DENND5A: variants seen among roughly 807,000 people sequenced by gnomAD.
DENND5A encodes DENN domain-containing protein 5A.
In DENND5A, 64 loss-of-function variants were observed where a neutral mutation model predicts 140.3. That is an observed-to-expected ratio of 0.46 (90% confidence interval 0.37 to 0.56). The LOEUF is 0.56. Ranked by LOEUF, DENND5A falls within the 20% of genes least tolerant of loss-of-function variation. DENND5A has a pLI of 0.00. For synonymous variants in DENND5A, 605 were observed against 607.7 expected (o/e 1.00, Z 0.07); for missense variants, 1,292 against 1,593.8 (o/e 0.81, Z 3.22).
chr11:9,170,827 C>A (rs759544381), intron 8 of DENND5A, 50 bp from the exon 9 acceptor site: 1 of 1,594,632 alleles, frequency 6.3e-7, no homozygotes, highest in Non-Finnish European at 8.6e-7. Flanking sequence ...CATAAATACA[C>A]ACACAAATAA....
chr11:9,211,590 G>A (rs1849879622), intron 1 of DENND5A, among the ~76,000 whole-genome samples: 1 of 151,946 alleles, frequency 6.6e-6, no homozygotes, highest in Non-Finnish European at 1.5e-5. Flanking sequence ...CTCAAATACT[G>A]GAATTAGCAA....
intron 1 of DENND5A, among the ~76,000 whole-genome samples, chr11:9,258,586 T>C (rs1215101349): frequency 6.8e-6 from 1 of 146,824 alleles, no homozygotes; most frequent in Non-Finnish European, 1.5e-5. Context: ...TTTCTTACCA[T>C]GAAACAGAAA....
chr11:9,183,071 T>A (rs1848787545), intron 5 of DENND5A, among the ~76,000 whole-genome samples: 1 of 152,240 alleles, frequency 6.6e-6, no homozygotes, highest in African/African-American at 2.4e-5. Flanking sequence ...AATGTGTGTG[T>A]ACATATATAT....
intron 1 of DENND5A, among the ~76,000 whole-genome samples, chr11:9,243,087 CAAAAAAAAAAAA>C (rs539119487): frequency 1.5e-5 from 1 of 66,882 alleles, no homozygotes; most frequent in African/African-American, 6.2e-5. Flanking sequence ...GACTCTGTCT[CAAAAAAAAAAAA>C]AAAAACAAAA....
chr11:9,197,774 A>G (rs1849382993), intron 4 of DENND5A, among the ~76,000 whole-genome samples: 1 of 152,356 alleles, frequency 6.6e-6, no homozygotes, highest in Admixed American at 6.5e-5. Flanking sequence ...TTTAAAAACT[A>G]TTATTTTCAT....
rs537859129 is a variant in DENND5A at position 9,218,634 on chromosome 11, C to T, written c.110-11002G>A. On this transcript the variant is annotated intron_variant, in intron 1 of 22. Coordinates refer to ENST00000328194, the MANE Select transcript of DENND5A (RefSeq NM_015213.4). ...CTGAGGTGGGAAGATCGCTAGAGCC[C>T]GGGAGATGAAGGTTAGAGTGAGCTG... is the stretch of plus-strand genomic sequence containing the variant. Among the ~76,000 whole-genome samples, 20 of 152,142 alleles carry T rather than the reference C, an allele frequency of 1.3e-4. No individual in the cohort carries two copies. The East Asian group carries it at 3.3e-3, about 25-fold the overall frequency.
At chr11:9,187,078 C>T (rs1439432412) in intron 5 of DENND5A, among the ~76,000 whole-genome samples, 5 of 151,986 alleles carry the variant, frequency 3.3e-5, no homozygotes, top group Non-Finnish European at 7.4e-5. Flanking sequence ...AGCAAGACTC[C>T]ATCTCAAACA....
At chr11:9,254,792 G>A (rs1176136373) in intron 1 of DENND5A, among the ~76,000 whole-genome samples, 2 of 152,196 alleles carry the variant, frequency 1.3e-5, no homozygotes, top group Non-Finnish European at 1.5e-5. Context: ...GTCTCAGTCG[G>A]CAAGGTGTGG....
At chr11:9,197,977 T>C (rs576071230) in intron 4 of DENND5A, among the ~76,000 whole-genome samples, 25 of 152,348 alleles carry the variant, frequency 1.6e-4, no homozygotes, top group African/African-American at 4.8e-4. Context: ...ACTTTACCGA[T>C]TGATTTTCCC....
intron 11 of DENND5A, among the ~76,000 whole-genome samples, chr11:9,161,180 T>C (rs959086492): frequency 1.3e-5 from 2 of 152,192 alleles, no homozygotes; most frequent in African/African-American, 4.8e-5. Flanking sequence ...ACCCCGTCTC[T>C]ATTAAAAATA....
chr11:9,247,206 G>A (rs1851513457), intron 1 of DENND5A, among the ~76,000 whole-genome samples: 1 of 151,346 alleles, frequency 6.6e-6, no homozygotes, highest in Admixed American at 6.6e-5. Flanking sequence ...CTCCAGCCTG[G>A]GCGACAGAGC....
chr11:9,190,244 TG>T (rs1437811805), intron 5 of DENND5A, among the ~76,000 whole-genome samples: 1 of 152,098 alleles, frequency 6.6e-6, no homozygotes, highest in Non-Finnish European at 1.5e-5. Flanking sequence ...AATAAGATTT[TG>T]GGGGACTGTT....
rs140834453 is a variant in DENND5A, at chr11:9,166,695, G to A, written c.2152-728C>T. ...AAAAATATAAAAATTAGCCAAGTGT[G>A]GTGGTGCATGCCTGTAATCCCAGCT... On this transcript the variant is annotated intron_variant, in intron 10 of 22. Transcript: ENST00000328194. 2.9e-3 allele frequency among the ~76,000 whole-genome samples: 443 copies of A among 152,070 alleles called. 2 individuals carry two copies. The highest frequency in any genetic ancestry group is 0.01 in the African/African-American group (421 of 41,472).
chr11:9,154,483 C>T (rs895867984), intron 12 of DENND5A, among the ~76,000 whole-genome samples: 3 of 152,020 alleles, frequency 2.0e-5, no homozygotes, highest in African/African-American at 7.3e-5. Flanking sequence ...CATGAGAATA[C>T]TGAGGGTCTA....
intron 5 of DENND5A, among the ~76,000 whole-genome samples, chr11:9,188,447 A>G (rs921852892): frequency 2.9e-4 from 44 of 152,338 alleles, no homozygotes; most frequent in African/African-American, 9.1e-4. Flanking sequence ...ATGTGGAAGC[A>G]ACATTGAAAC....
At chr11:9,212,641 A>C (rs544368064) in intron 1 of DENND5A, among the ~76,000 whole-genome samples, 1 of 152,104 alleles carries the variant, frequency 6.6e-6, no homozygotes, top group South Asian at 2.1e-4. Context: ...TGAAAAAAAA[A>C]CACAAATAAA....
chr11:9,152,251 GAGCAAA>G lies in DENND5A; in HGVS notation c.2521+101_2521+106del, dbSNP rs1847641500. The G allele has an allele frequency of 1.2e-5, 10 of 867,530 alleles. No homozygotes were observed. In the Admixed American group the frequency reaches 1.6e-4, roughly 14 times the overall value. The allele number at this position is 867,530 out of a possible 1,614,324, so 53.7% of individuals were successfully genotyped here. Reference sequence around the variant, plus strand: ...CATATTTAAAAGAGAAAACATTCCAGAGCAAAAGCTTCTTCGACCTGGAATAGTTTG... The same window carrying G: ...CATATTTAAAAGAGAAAACATTCCAGAGCTTCTTCGACCTGGAATAGTTTG... On this transcript the variant is annotated intron_variant, in intron 13 of 22. Coordinates refer to ENST00000328194, the MANE Select transcript of DENND5A (RefSeq NM_015213.4).
intron 5 of DENND5A, among the ~76,000 whole-genome samples, chr11:9,185,764 C>A (rs1287322004): frequency 6.6e-6 from 1 of 151,866 alleles, no homozygotes; most frequent in African/African-American, 2.4e-5. Flanking sequence ...TATGTGTGGT[C>A]TGCGTCTGTG....
chr11:9,245,083 T>C (rs540459292), intron 1 of DENND5A, among the ~76,000 whole-genome samples: 61 of 151,118 alleles, frequency 4.0e-4, no homozygotes, highest in African/African-American at 1.4e-3. Flanking sequence ...AGGAGACCAA[T>C]ACCATCTTGG....
Sources: gnomAD v4.1 joint callset for allele counts (sites outside exome capture counted in the v4.1 genomes callset) on GRCh38, gnomAD v4.1.1 for gene constraint, MANE v1.5 for transcripts, NCBI Gene and HGNC (gene_info 2026-07-23, HGNC 2026-07-21) for gene names.